L3MBTL4: variants seen among roughly 807,000 people sequenced by gnomAD.
L3MBTL4 encodes the protein L3MBTL histone methyl-lysine binding protein 4, also known as lethal(3)malignant brain tumor-like protein 4.
Under a neutral mutation model 84.5 loss-of-function variants are expected in L3MBTL4, and 70 were observed. The ratio of observed to expected loss-of-function variants is 0.83; its 90% confidence interval spans 0.68 to 1.01. The LOEUF is 1.01. Among genes scored for constraint, L3MBTL4 ranks in the 50% least tolerant of loss-of-function variants. The pLI is 0.00. For synonymous variants in L3MBTL4, 274 were observed against 259.8 expected (o/e 1.05, Z -0.52); for missense variants, 715 against 754.8 (o/e 0.95, Z 0.62).
At chr18:6,304,014 C>CAAAAAA (rs201628744) in intron 3 of L3MBTL4, among the ~76,000 whole-genome samples, 2 of 52,742 alleles carry the variant, frequency 3.8e-5, no homozygotes, top group African/African-American at 6.3e-5. Context: ...AACTCCATCT[C>CAAAAAA]AAAAAAAAAA....
At chr18:6,297,477 A>T (rs961242798) in intron 4 of L3MBTL4, among the ~76,000 whole-genome samples, 2 of 152,222 alleles carry the variant, frequency 1.3e-5, no homozygotes, top group African/African-American at 4.8e-5. Flanking sequence ...AAACTGGGTG[A>T]AGGGTATGCA....
chr18:6,089,224 T>G (rs1017298609), intron 15 of L3MBTL4, among the ~76,000 whole-genome samples: 2 of 152,194 alleles, frequency 1.3e-5, no homozygotes, highest in African/African-American at 4.8e-5. Context: ...TGAAAATGTT[T>G]TAATGACTCA....
intron 1 of L3MBTL4, among the ~76,000 whole-genome samples, chr18:6,349,758 T>A (rs2053089587): frequency 6.6e-6 from 1 of 152,086 alleles, no homozygotes; most frequent in Non-Finnish European, 1.5e-5. Flanking sequence ...ATTTGACTGA[T>A]ATAAGCTCAA....
intron 13 of L3MBTL4, among the ~76,000 whole-genome samples, chr18:6,149,554 GT>G (rs903890324): frequency 2.6e-5 from 4 of 151,922 alleles, no homozygotes; most frequent in African/African-American, 9.7e-5. Flanking sequence ...AATCCTTTGG[GT>G]ATATACCCAG....
At chr18:6,029,833 A>G (rs901983578) in intron 16 of L3MBTL4, 1 of 985,444 alleles carries the variant, frequency 1.0e-6, no homozygotes, top group Non-Finnish European at 1.2e-6. Context: ...TAGCTGAGGA[A>G]ATGCCGAAAA....
chr18:6,167,405 G>A (rs2043728382), intron 13 of L3MBTL4, among the ~76,000 whole-genome samples: 1 of 152,188 alleles, frequency 6.6e-6, no homozygotes. Flanking sequence ...TATCCTTGAT[G>A]AACATTCATG....
chr18:6,381,290 G>A (rs974079781), intron 1 of L3MBTL4, among the ~76,000 whole-genome samples: 3 of 152,082 alleles, frequency 2.0e-5, no homozygotes, highest in Admixed American at 1.3e-4. Context: ...TATCCAATTT[G>A]CCAGCCTGTG....
chr18:6,072,825 CAGCACTCT>C (rs1316934463), intron 16 of L3MBTL4, among the ~76,000 whole-genome samples: 2 of 127,912 alleles, frequency 1.6e-5, no homozygotes, highest in African/African-American at 3.0e-5. Flanking sequence ...CACTGCACTC[CAGCACTCT>C]AGCCTGGGTG....
chr18:6,029,305 A>T, intron 16 of L3MBTL4: 1 of 340,722 alleles, frequency 2.9e-6, no homozygotes, highest in Non-Finnish European at 4.2e-6. Flanking sequence ...ATGCTTAAAT[A>T]CACTATTATA....
chr18:6,325,846 T>C (rs1221866848), intron 1 of L3MBTL4, among the ~76,000 whole-genome samples: 1 of 152,234 alleles, frequency 6.6e-6, no homozygotes, highest in Non-Finnish European at 1.5e-5. Flanking sequence ...AAAGAAAAGT[T>C]GATACAGGTA....
intron 12 of L3MBTL4, among the ~76,000 whole-genome samples, chr18:6,179,710 T>C (rs2044381130): frequency 6.6e-6 from 1 of 152,234 alleles, no homozygotes; most frequent in South Asian, 2.1e-4. Flanking sequence ...CACAGCTCAC[T>C]GCAGCCTCAA....
At chr18:6,046,504 C>T (rs925022405) in intron 16 of L3MBTL4, among the ~76,000 whole-genome samples, 2 of 152,060 alleles carry the variant, frequency 1.3e-5, no homozygotes, top group African/African-American at 4.8e-5. Context: ...ACATGATTGG[C>T]CATAAAGCAA....
chr18:6,225,609 C>T lies in L3MBTL4; in HGVS notation c.785-9774G>A, dbSNP rs555961166. On this transcript the variant is annotated intron_variant, in intron 10 of 18. Transcript: ENST00000317931. ...ACACCATCTTTACCAAAAATACAAA[C>T]ATTAACTGGGTGTGGTCGTACACAC... Among the ~76,000 whole-genome samples, 3 of 151,864 alleles carry T rather than the reference C, an allele frequency of 2.0e-5. No individual in the cohort carries two copies. The East Asian group carries it at 5.8e-4, about 30-fold the overall frequency.
chr18:5,964,670 C>T (rs1007749957), intron 17 of L3MBTL4, among the ~76,000 whole-genome samples: 12 of 152,116 alleles, frequency 7.9e-5, no homozygotes, highest in African/African-American at 2.9e-4. Flanking sequence ...GAGGCTAGGG[C>T]AATTTATATG....
intron 16 of L3MBTL4, among the ~76,000 whole-genome samples, chr18:5,994,793 C>T (rs982579170): frequency 2.3e-4 from 35 of 152,202 alleles, no homozygotes; most frequent in African/African-American, 8.2e-4. Flanking sequence ...TCTCCTTCAA[C>T]TTCTATCATT....
At chr18:6,229,781 C>A (rs1413863757) in intron 10 of L3MBTL4, among the ~76,000 whole-genome samples, 2 of 152,106 alleles carry the variant, frequency 1.3e-5, no homozygotes, top group Non-Finnish European at 2.9e-5. Flanking sequence ...ATCATTTCAC[C>A]ATAACTGCAA....
chr18:6,112,364 C>A (rs1480622632), intron 14 of L3MBTL4, among the ~76,000 whole-genome samples: 1 of 152,190 alleles, frequency 6.6e-6, no homozygotes, highest in East Asian at 1.9e-4. Flanking sequence ...GAAATCTCTC[C>A]CTTTGCTGCA....
At chr18:6,034,610 G>A (rs1159125048) in intron 16 of L3MBTL4, among the ~76,000 whole-genome samples, 99 of 152,232 alleles carry the variant, frequency 6.5e-4, no homozygotes, top group African/African-American at 2.1e-3. Context: ...ATAAACATAC[G>A]TGTGCATGTG....
intron 10 of L3MBTL4, among the ~76,000 whole-genome samples, chr18:6,223,482 A>C (rs1229466875): frequency 2.0e-5 from 3 of 152,236 alleles, no homozygotes; most frequent in Non-Finnish European, 4.4e-5. Context: ...AAAATGATGT[A>C]AAGTAAGTAC....
Sources: allele counts gnomAD v4.1 joint callset (sites outside exome capture counted in the v4.1 genomes callset), GRCh38; gene constraint gnomAD v4.1.1; transcripts MANE v1.5; gene names NCBI Gene and HGNC (gene_info 2026-07-23, HGNC 2026-07-21).